The following SEMA3D variants were observed in gnomAD, a reference collection of about 807,000 sequenced individuals.
The protein encoded by SEMA3D is semaphorin-3D.
SEMA3D carries 84 observed loss-of-function variants against 100.1 expected under a neutral mutation model. The observed-to-expected ratio is 0.84, with a 90% confidence interval of 0.70 to 1.01. The LOEUF is 1.01. Among genes scored for constraint, SEMA3D ranks in the 50% least tolerant of loss-of-function variants. SEMA3D has a pLI of 0.00. For synonymous variants in SEMA3D, 312 were observed against 320.7 expected (o/e 0.97, Z 0.29); for missense variants, 875 against 934.1 (o/e 0.94, Z 0.82).
chr7:85,116,355 TTATAA>T lies in SEMA3D; in HGVS notation c.151+5381_151+5385del, dbSNP rs1022849842. ...GTATATATTTATGTATATTTATATA[TTATAA>T]TATATTTATATATATTTATATAAAT... On this transcript the variant is annotated intron_variant, in intron 3 of 18. Transcript: ENST00000284136. Among the ~76,000 whole-genome samples the T allele has an allele frequency of 3.2e-4, 47 of 146,466 alleles. No individual in the cohort carries two copies. The East Asian group carries it at 4.9e-3, about 15-fold the overall frequency.
At chr7:85,150,817 A>G (rs1010009017) in intron 2 of SEMA3D, among the ~76,000 whole-genome samples, 13 of 152,030 alleles carry the variant, frequency 8.6e-5, no homozygotes, top group African/African-American at 3.1e-4. Context: ...GCCACAATTA[A>G]GCCACACTGG....
chr7:85,099,316 G>A (rs1788672100), intron 3 of SEMA3D, among the ~76,000 whole-genome samples: 1 of 151,866 alleles, frequency 6.6e-6, no homozygotes, highest in Non-Finnish European at 1.5e-5. Context: ...TCTCATGAGA[G>A]CTGATGGTTT....
chr7:85,245,595 A>G, the SEMA3D span, among the ~76,000 whole-genome samples: 62 of 152,306 alleles, frequency 4.1e-4, 1 homozygote, highest in South Asian at 0.012. Flanking sequence ...TATACACATG[A>G]AACTTCAACA....
the SEMA3D span, among the ~76,000 whole-genome samples, chr7:85,225,667 G>A: frequency 1.3e-5 from 2 of 152,094 alleles, no homozygotes; most frequent in Admixed American, 6.6e-5. Context: ...TAAACTAAAA[G>A]AGCACCCTGT....
intron 1 of SEMA3D, among the ~76,000 whole-genome samples, chr7:85,177,697 ATG>A (rs1362084452): frequency 1.3e-5 from 2 of 152,180 alleles, no homozygotes; most frequent in Non-Finnish European, 2.9e-5. Context: ...AGTAATTCAA[ATG>A]TGTTATTTTA....
chr7:85,143,544 A>C (rs572886043), intron 2 of SEMA3D, among the ~76,000 whole-genome samples: 84 of 152,286 alleles, frequency 5.5e-4, no homozygotes, highest in African/African-American at 1.9e-3. Flanking sequence ...AAACTTATCT[A>C]AACATAGAAG....
intron 18 of SEMA3D, among the ~76,000 whole-genome samples, chr7:85,003,390 C>T (rs779237980): frequency 2.0e-5 from 3 of 151,888 alleles, no homozygotes; most frequent in Non-Finnish European, 4.4e-5. Context: ...GATTAATTTA[C>T]TATCTTTGGG....
intron 2 of SEMA3D, among the ~76,000 whole-genome samples, chr7:85,126,588 A>T (rs1789578208): frequency 6.6e-6 from 1 of 152,114 alleles, no homozygotes; most frequent in African/African-American, 2.4e-5. Context: ...TCTCAGCATT[A>T]AAAGCAATAT....
intron 9 of SEMA3D, among the ~76,000 whole-genome samples, chr7:85,044,808 C>CAATT (rs1402011085): frequency 6.6e-6 from 1 of 151,980 alleles, no homozygotes; most frequent in East Asian, 1.9e-4. Context: ...ACACTGTTTA[C>CAATT]AATTACTGGC....
upstream of SEMA3D, among the ~76,000 whole-genome samples, chr7:85,188,371 A>G (rs369915885): frequency 3.3e-5 from 5 of 152,310 alleles, no homozygotes; most frequent in African/African-American, 1.2e-4. Context: ...TTGGATAGAG[A>G]AAAAAATTTT....
At chr7:85,139,777 A>G (rs1320159304) in intron 2 of SEMA3D, among the ~76,000 whole-genome samples, 1 of 152,056 alleles carries the variant, frequency 6.6e-6, no homozygotes, top group Non-Finnish European at 1.5e-5. Flanking sequence ...AACCATTTTA[A>G]AACTTATGAA....
chr7:85,058,009 T>C (rs1791371013), intron 8 of SEMA3D, among the ~76,000 whole-genome samples: 1 of 152,220 alleles, frequency 6.6e-6, no homozygotes, highest in Admixed American at 6.5e-5. Context: ...TCAGCCTCTC[T>C]GGGTTGGCCC....
Position 85,055,645 on chromosome 7 carries a change from C to CATATATATAT in SEMA3D, c.861+62_861+71dup, listed in dbSNP as rs56131427. On this transcript the variant is annotated intron_variant, in intron 9 of 18. Coordinates refer to ENST00000284136, the MANE Select transcript of SEMA3D (RefSeq NM_001384900.1). ...AACCTTGCCAAAGTTTTTTCATATACATATATATATATATATATATATATA... is the reference window on the plus strand; with the variant it reads ...AACCTTGCCAAAGTTTTTTCATATACATATATATATATATATATATATATATATATATATA... 116 of 159,754 alleles carry CATATATATAT rather than the reference C, an allele frequency of 7.3e-4. 1 individual carries two copies. Among genetic ancestry groups the CATATATATAT allele is most frequent in the Middle Eastern group, 3.1e-3 (1 of 318 alleles). 9.9% of individuals were successfully genotyped at this position (159,754 alleles called of 1,614,324 possible). A position where few individuals can be genotyped will look rare whatever the true frequency, so the allele number is the denominator to read the frequency against.
chr7:85,004,401 ATATAGTATGGCCTTGTTTACT>A (rs1789737801), intron 18 of SEMA3D, among the ~76,000 whole-genome samples: 1 of 152,120 alleles, frequency 6.6e-6, no homozygotes, highest in African/African-American at 2.4e-5. Context: ...CACAGAGAAA[ATATAGTATGGCCTTGTTTACT>A]TATTCAGATC....
At chr7:85,184,048 T>G (rs966050810) in intron 1 of SEMA3D, among the ~76,000 whole-genome samples, 2 of 152,198 alleles carry the variant, frequency 1.3e-5, no homozygotes, top group Admixed American at 1.3e-4. Flanking sequence ...AAATGAAACC[T>G]GTAGGTATGA....
chr7:85,190,080 T>C (rs183324112), upstream of SEMA3D, among the ~76,000 whole-genome samples: 67 of 152,228 alleles, frequency 4.4e-4, no homozygotes, highest in Middle Eastern at 0.01. Flanking sequence ...GTCCAGAGCT[T>C]AAATCTAGCA....
chr7:85,117,695 C>T (rs2116389174), intron 3 of SEMA3D, among the ~76,000 whole-genome samples: 1 of 152,072 alleles, frequency 6.6e-6, no homozygotes, highest in East Asian at 1.9e-4. Context: ...ATTACTTGAG[C>T]TTAGGAGGCC....
chr7:85,218,401 T>C, the SEMA3D span, among the ~76,000 whole-genome samples: 198 of 152,248 alleles, frequency 1.3e-3, 1 homozygote, highest in Middle Eastern at 3.4e-3. Flanking sequence ...ACTGCCTTTT[T>C]AACTTTATTA....
chr7:85,078,566 C>A (rs991462352), intron 5 of SEMA3D, among the ~76,000 whole-genome samples: 1 of 152,104 alleles, frequency 6.6e-6, no homozygotes, highest in Non-Finnish European at 1.5e-5. Context: ...TCTTTAGTTA[C>A]TTTCTTTTGA....
Sources: allele counts gnomAD v4.1 joint callset (sites outside exome capture counted in the v4.1 genomes callset), GRCh38; gene constraint gnomAD v4.1.1; transcripts MANE v1.5; gene names NCBI Gene and HGNC (gene_info 2026-07-23, HGNC 2026-07-21).